Variants in MDGA2 observed in about 807,000 individuals in gnomAD.
The protein encoded by MDGA2 is MAM domain containing glycosylphosphatidylinositol anchor 2.
MDGA2 carries 40 observed loss-of-function variants against 117.8 expected under a neutral mutation model. The observed-to-expected ratio is 0.34, with a 90% CI of 0.26 to 0.44. The LOEUF is 0.44. Among genes scored for constraint, MDGA2 ranks in the 20% least tolerant of loss-of-function variants. MDGA2 has a pLI of 1.00. For synonymous variants in MDGA2, 452 were observed against 439.0 expected, an observed-to-expected ratio of 1.03 and a Z score of -0.37; for missense variants, 1,123 against 1,250.6, an observed-to-expected ratio of 0.90 and a Z score of 1.54.
At chr14:47,567,276 T>C (rs1895937581) in intron 1 of MDGA2, among the ~76,000 whole-genome samples, 1 of 152,318 alleles carries the variant, frequency 6.6e-6, no homozygotes. Flanking sequence ...TTGCAATTCA[T>C]GTTTATTATA....
In MDGA2 at chr14:46,847,678, T is replaced by C. The variant is rs79724029; in HGVS notation, c.2884-1807A>G. Among the ~76,000 whole-genome samples the C allele has an allele frequency of 2.0e-5, 3 of 152,132 alleles. No individual in the cohort carries two copies. The South Asian group carries it at 6.2e-4, about 32-fold the overall frequency. On this transcript the variant is annotated intron_variant, in intron 15 of 16. Transcript: ENST00000399232. ...TGAATATGAAGAAAGGGAAGTCATT[T>C]TAAGGTGCAGAATATTCCACATTAT...
chr14:47,675,210 C>T lies in MDGA2; in HGVS notation c.-414G>A, dbSNP rs1898160546. On this transcript the variant is annotated 5_prime_UTR_variant, in exon 1 of 17. Transcript: ENST00000399232. ...GACAGCGGCCCGCCCGCCCGCAGTC[C>T]GAAGCCCCCAGCCCTGCTGTCTTGC... is the stretch of plus-strand genomic sequence containing the variant. Among the ~76,000 whole-genome samples, 1 of 152,104 alleles carries T rather than the reference C, an allele frequency of 6.6e-6. No homozygotes were observed. The highest frequency in any genetic ancestry group is 1.9e-4 in the East Asian group (1 of 5,148).
At chr14:46,988,143 G>A (rs1389220679) in intron 8 of MDGA2, among the ~76,000 whole-genome samples, 2 of 151,620 alleles carry the variant, frequency 1.3e-5, no homozygotes, top group Non-Finnish European at 1.5e-5. Flanking sequence ...GTATGAGAAG[G>A]GTTGTATTTT....
chr14:46,862,405 T>A (rs1230674592), intron 14 of MDGA2, among the ~76,000 whole-genome samples: 2 of 148,648 alleles, frequency 1.3e-5, no homozygotes, highest in Non-Finnish European at 3.0e-5. Flanking sequence ...ATTTTAATAT[T>A]ATTTAATATA....
intron 3 of MDGA2, among the ~76,000 whole-genome samples, chr14:47,145,086 T>C (rs1390240311): frequency 6.6e-6 from 1 of 152,150 alleles, no homozygotes; most frequent in Non-Finnish European, 1.5e-5. Flanking sequence ...TCAAATTTTA[T>C]ATTCCAGATT....
intron 8 of MDGA2, among the ~76,000 whole-genome samples, chr14:47,017,207 G>A (rs1018367277): frequency 2.7e-5 from 4 of 150,274 alleles, no homozygotes; most frequent in African/African-American, 9.8e-5. Flanking sequence ...TGTCCATAGA[G>A]ACAGGTTTTA....
intron 1 of MDGA2, among the ~76,000 whole-genome samples, chr14:47,407,234 TC>T (rs888726750): frequency 6.6e-6 from 1 of 152,176 alleles, no homozygotes. Flanking sequence ...TGTTTCACTT[TC>T]CAAAATGCAG....
At chr14:47,237,522 G>A (rs947281200) in intron 2 of MDGA2, among the ~76,000 whole-genome samples, 3 of 152,110 alleles carry the variant, frequency 2.0e-5, no homozygotes, top group African/African-American at 7.2e-5. Flanking sequence ...CAACAATCAA[G>A]ATATTCTTTC....
chr14:47,534,773 T>C (rs1462524251), intron 1 of MDGA2, among the ~76,000 whole-genome samples: 1 of 152,148 alleles, frequency 6.6e-6, no homozygotes, highest in Non-Finnish European at 1.5e-5. Context: ...GCGGCACCAA[T>C]AGCAGAAAAG....
At chr14:47,131,632 T>A in intron 5 of MDGA2, 82 bp downstream of exon 5, 2 of 1,121,656 alleles carry the variant, frequency 1.8e-6, no homozygotes, top group Non-Finnish European at 1.2e-6. Context: ...TAGAAATCAT[T>A]TGGTCTTTAA....
chr14:47,162,220 C>T (rs1482053288), intron 3 of MDGA2, among the ~76,000 whole-genome samples: 1 of 152,074 alleles, frequency 6.6e-6, no homozygotes, highest in African/African-American at 2.4e-5. Flanking sequence ...GCCGGGATTA[C>T]AGGCATAAGC....
intron 1 of MDGA2, among the ~76,000 whole-genome samples, chr14:47,397,378 G>A (rs1359371062): frequency 2.0e-5 from 3 of 152,036 alleles, no homozygotes; most frequent in African/African-American, 4.8e-5. Context: ...TACCTAATGT[G>A]GATGATGGGT....
intron 1 of MDGA2, among the ~76,000 whole-genome samples, chr14:47,372,096 A>C (rs1308357671): frequency 6.6e-6 from 1 of 151,880 alleles, no homozygotes; most frequent in Non-Finnish European, 1.5e-5. Flanking sequence ...TGAATACCTT[A>C]GAAACATTAT....
Position 47,627,512 on chromosome 14 carries a change from A to G in MDGA2, c.280+47005T>C, listed in dbSNP as rs541493361. On this transcript the variant is annotated intron_variant, in intron 1 of 16. Coordinates refer to ENST00000399232, the MANE Select transcript of MDGA2 (RefSeq NM_001113498.3). Reference sequence around the variant, plus strand: ...AGGGTTTGTAAATACACCAGTCAACACTCTGTTTCTAGCTAATCTAGTGGG... The same window carrying G: ...AGGGTTTGTAAATACACCAGTCAACGCTCTGTTTCTAGCTAATCTAGTGGG... Among the ~76,000 whole-genome samples, 27 of 152,132 alleles carry G rather than the reference A, an allele frequency of 1.8e-4. No individual in the cohort carries two copies. The South Asian group carries it at 5.4e-3, about 30-fold the overall frequency.
At chr14:47,048,280 G>A (rs1889334315) in intron 7 of MDGA2, among the ~76,000 whole-genome samples, 1 of 151,908 alleles carries the variant, frequency 6.6e-6, no homozygotes, top group African/African-American at 2.4e-5. Context: ...GTGGATAAAG[G>A]AATTCTAAAT....
Position 47,301,430 on chromosome 14 carries a change from G to A in MDGA2, c.401C>T (p.Thr134Ile). The A allele has an allele frequency of 1.3e-6, 2 of 1,551,836 alleles. No homozygotes were observed. The highest frequency in any genetic ancestry group is 1.7e-6 in the Non-Finnish European group (2 of 1,147,012). The change falls in exon 2 of 17, where the codon ACA becomes ATA. Residue 134 changes from threonine to isoleucine, a missense_variant. Physicochemically the swap from Thr to Ile is moderately conservative, Grantham distance 89. Transcript: ENST00000399232. ...GETLELTCLV[T>I]GHPRPQIRWT... ...ACTCACCTGTGGACGTGGATGTCCT[G>A]TGACTAGACAAGTCAACTCAAGGGT...
intron 8 of MDGA2, among the ~76,000 whole-genome samples, chr14:46,994,255 A>G (rs1444868788): frequency 6.6e-6 from 1 of 152,114 alleles, no homozygotes; most frequent in African/African-American, 2.4e-5. Context: ...GCTCTGCCCT[A>G]TATGACTCTT....
chr14:47,448,200 G>C (rs568393677), intron 1 of MDGA2, among the ~76,000 whole-genome samples: 14 of 151,768 alleles, frequency 9.2e-5, no homozygotes, highest in Non-Finnish European at 1.9e-4. Context: ...ACCCAGGCTG[G>C]AGGGTAGTGG....
At chr14:47,541,001 T>G (rs888209907) in intron 1 of MDGA2, among the ~76,000 whole-genome samples, 1 of 152,178 alleles carries the variant, frequency 6.6e-6, no homozygotes, top group Admixed American at 6.5e-5. Context: ...TAAATACATG[T>G]CAAATGACTC....
Sources: allele counts gnomAD v4.1 joint callset (sites outside exome capture counted in the v4.1 genomes callset), GRCh38; gene constraint gnomAD v4.1.1; transcripts MANE v1.5; gene names NCBI Gene and HGNC (gene_info 2026-07-23, HGNC 2026-07-21).